DPP6: variants seen among roughly 807,000 people sequenced by gnomAD.
DPP6 encodes the protein A-type potassium channel modulatory protein DPP6.
A neutral mutation model predicts 122.6 loss-of-function variants in DPP6; 69 were observed. The observed-to-expected ratio is 0.56, with a 90% confidence interval of 0.46 to 0.69. DPP6 has a LOEUF of 0.69. Among genes scored for constraint, DPP6 ranks in the 30% least tolerant of loss-of-function variants. DPP6 has a pLI of 0.00. For missense variants in DPP6, 928 were observed against 1,116.9 expected (o/e 0.83, Z 2.41); for synonymous variants, 418 against 433.1 (o/e 0.97, Z 0.43).
intron 1 of DPP6, among the ~76,000 whole-genome samples, chr7:154,123,738 T>C (rs577929281): frequency 7.1e-6 from 1 of 140,656 alleles, no homozygotes; most frequent in South Asian, 2.4e-4. Context: ...ACAGTTGTGC[T>C]GCCCGCTCGT....
At chr7:154,800,240 A>C (rs538940195) in intron 12 of DPP6, among the ~76,000 whole-genome samples, 1 of 152,350 alleles carries the variant, frequency 6.6e-6, no homozygotes, top group East Asian at 1.9e-4. Context: ...GCAAATATTC[A>C]TGAAGATTAA....
intron 1 of DPP6, among the ~76,000 whole-genome samples, chr7:154,393,841 G>A (rs1442681614): frequency 1.3e-5 from 2 of 151,946 alleles, no homozygotes; most frequent in African/African-American, 4.8e-5. Flanking sequence ...ACCATCCAAT[G>A]TTCTGTCTCC....
chr7:154,654,783 C>T (rs1487025032), intron 6 of DPP6, among the ~76,000 whole-genome samples: 1 of 152,032 alleles, frequency 6.6e-6, no homozygotes, highest in African/African-American at 2.4e-5. Context: ...TTTAAAATTA[C>T]TAATGGAATA....
the DPP6 span, among the ~76,000 whole-genome samples, chr7:153,814,960 A>G: frequency 6.6e-6 from 1 of 152,178 alleles, no homozygotes; most frequent in Non-Finnish European, 1.5e-5. Flanking sequence ...GACGTATCTC[A>G]AAATAATAAG....
intron 1 of DPP6, among the ~76,000 whole-genome samples, chr7:154,320,647 G>C (rs956353297): frequency 6.6e-6 from 1 of 152,094 alleles, no homozygotes; most frequent in Non-Finnish European, 1.5e-5. Context: ...ACCATGGCCA[G>C]CTAATTTTTT....
chr7:154,611,705 GC>G (rs1833919897), intron 5 of DPP6, among the ~76,000 whole-genome samples: 1 of 152,164 alleles, frequency 6.6e-6, no homozygotes, highest in South Asian at 2.1e-4. Flanking sequence ...AGACTCACAT[GC>G]AATTTTAAGA....
chr7:154,674,319 A>G (rs1331544756), intron 7 of DPP6, among the ~76,000 whole-genome samples: 1 of 152,130 alleles, frequency 6.6e-6, no homozygotes, highest in Admixed American at 6.6e-5. Context: ...CTGATATGGT[A>G]TTTCTATTAG....
chr7:154,010,670 G>C (rs866521450), intron 1 of DPP6, among the ~76,000 whole-genome samples: 2 of 152,198 alleles, frequency 1.3e-5, no homozygotes, highest in African/African-American at 2.4e-5. Context: ...TTTATTTATA[G>C]AAATGGGCTT....
chr7:153,886,481 G>C (rs1052336846), upstream of DPP6, among the ~76,000 whole-genome samples: 2 of 152,142 alleles, frequency 1.3e-5, no homozygotes, highest in Non-Finnish European at 2.9e-5. Flanking sequence ...AGGTCTTCGG[G>C]GTCAGATCCC....
chr7:154,395,550 G>T (rs949659998), intron 1 of DPP6, among the ~76,000 whole-genome samples: 3 of 152,058 alleles, frequency 2.0e-5, no homozygotes, highest in African/African-American at 7.2e-5. Context: ...TTCCTTTTCA[G>T]ATTGTTCATT....
At chr7:153,874,125 A>G in the DPP6 span, among the ~76,000 whole-genome samples, 1 of 152,234 alleles carries the variant, frequency 6.6e-6, no homozygotes, top group African/African-American at 2.4e-5. Context: ...AAGACAAAGC[A>G]TCTAGAGCTT....
intron 9 of DPP6, among the ~76,000 whole-genome samples, chr7:154,770,166 A>G (rs1043269229): frequency 1.3e-5 from 2 of 152,176 alleles, no homozygotes; most frequent in African/African-American, 4.8e-5. Context: ...GACATACCCA[A>G]GACTCAGCAA....
intron 7 of DPP6, among the ~76,000 whole-genome samples, chr7:154,692,781 C>CTTTTTT (rs200799193): frequency 7.1e-6 from 1 of 141,496 alleles, no homozygotes; most frequent in Non-Finnish European, 1.6e-5. Flanking sequence ...TTCTCTCTCT[C>CTTTTTT]TTTTTTTTTT....
chr7:154,773,607 G>C (rs1796389899), intron 10 of DPP6, among the ~76,000 whole-genome samples: 2 of 152,094 alleles, frequency 1.3e-5, no homozygotes, highest in Admixed American at 1.3e-4. Context: ...ATATTGATGA[G>C]AGACTCAAAA....
In DPP6 at chr7:154,403,708, C is replaced by T. The variant is rs965513573; in HGVS notation, c.244-42506C>T. Among the ~76,000 whole-genome samples, 17 of 152,214 alleles carry T rather than the reference C, an allele frequency of 1.1e-4. No individual in the cohort carries two copies. The highest frequency in any genetic ancestry group is 7.2e-4 in the Admixed American group (11 of 15,282). ...AGCAATCTGCAGGTTGCGTTCATGC[C>T]GTGACAGTCCATTCAGGGGTGCAGG... On this transcript the variant is annotated intron_variant, in intron 1 of 25. Transcript: ENST00000377770. This position sits in a 1 kb window ranked among gnomAD's most constrained non-coding sequence, Gnocchi z 4.1.
At chr7:153,818,676 C>G in the DPP6 span, among the ~76,000 whole-genome samples, 1 of 151,606 alleles carries the variant, frequency 6.6e-6, no homozygotes, top group Non-Finnish European at 1.5e-5. Context: ...GCATAATAAA[C>G]ACTGAGTTTA....
At chr7:154,830,122 ATTTT>A (rs967521616) in intron 16 of DPP6, among the ~76,000 whole-genome samples, 1 of 152,158 alleles carries the variant, frequency 6.6e-6, no homozygotes, top group African/African-American at 2.4e-5. Context: ...GATCTTGATG[ATTTT>A]TTTGAGTCTT....
chr7:154,158,983 C>T (rs1390243140), intron 1 of DPP6, among the ~76,000 whole-genome samples: 1 of 152,098 alleles, frequency 6.6e-6, no homozygotes, highest in Non-Finnish European at 1.5e-5. Context: ...CCCGCTGGGA[C>T]TGGAGTCTCT....
chr7:153,933,581 A>G (rs778040150), intron 1 of DPP6, among the ~76,000 whole-genome samples: 20 of 152,220 alleles, frequency 1.3e-4, no homozygotes, highest in Admixed American at 6.5e-4. Context: ...GGCATAGAGG[A>G]AACAAGACTA....
Sources: allele counts gnomAD v4.1 joint callset (sites outside exome capture counted in the v4.1 genomes callset), GRCh38; gene constraint gnomAD v4.1.1; non-coding constraint Gnocchi (gnomAD v3.1); transcripts MANE v1.5; gene names NCBI Gene and HGNC (gene_info 2026-07-23, HGNC 2026-07-21).